LIMCH1: variants seen among roughly 807,000 people sequenced by gnomAD.
LIMCH1 encodes LIM and calponin homology domains-containing protein 1.
LIMCH1 carries 113 observed loss-of-function variants against 176.5 expected under a neutral mutation model. The observed-to-expected ratio is 0.64, with a 90% CI of 0.55 to 0.75. The LOEUF (loss-of-function observed/expected upper bound fraction) is 0.75. LIMCH1 is among the 30% of genes least tolerant of loss of function. The pLI is 0.00. For synonymous variants in LIMCH1, 619 were observed against 645.9 expected (o/e 0.96, Z 0.63); for missense variants, 1,674 against 1,814.9 (o/e 0.92, Z 1.41).
At chr4:41,376,190 T>TA (rs1440510349) in intron 1 of LIMCH1, among the ~76,000 whole-genome samples, 1 of 152,236 alleles carries the variant, frequency 6.6e-6, no homozygotes, top group Non-Finnish European at 1.5e-5. Flanking sequence ...TTATAGTTTC[T>TA]ATATAGTTTT....
rs149427696 is a variant in LIMCH1 at position 41,599,016 on chromosome 4, G to A, written c.-144G>A. ...TGACCTCCAGGATACATCCAACAGAGTAACAGTCAAGTAAGTAAAGCGTGA... is the reference window on the plus strand; with the variant it reads ...TGACCTCCAGGATACATCCAACAGAATAACAGTCAAGTAAGTAAAGCGTGA... On this transcript the variant is annotated 5_prime_UTR_variant, in exon 2 of 32. Coordinates refer to ENST00000503057, the MANE Select transcript of LIMCH1 (RefSeq NM_001330672.2). 18 of 1,600,514 alleles carry A rather than the reference G, an allele frequency of 1.1e-5. No homozygotes were observed. The highest frequency in any genetic ancestry group is 4.5e-5 in the East Asian group (2 of 44,784).
chr4:41,685,826 C>T lies in LIMCH1; in HGVS notation c.4084C>T (p.Arg1362Trp), dbSNP rs76461603. ...TCAGATCGAGTCTCCCAGTGAAAGG[C>T]GGAAGTGAGTAACCAGACACGATGG... ...NHQIESPSER[R>W]KKSPREHFQA... Residue 1362 changes from arginine (R) to tryptophan (W), a missense_variant, in exon 28 of 32, where the codon CGG becomes TGG. Arg to Trp is a moderately radical substitution (Grantham distance 101). Transcript: ENST00000503057. 1,913 of 1,612,172 alleles carry T rather than the reference C, an allele frequency of 1.2e-3. 15 individuals are homozygous for T. The East Asian group carries it at 0.02, about 17-fold the overall frequency.
At chr4:41,438,447 C>T (rs2154139947) in intron 1 of LIMCH1, among the ~76,000 whole-genome samples, 1 of 151,954 alleles carries the variant, frequency 6.6e-6, no homozygotes, top group Admixed American at 6.5e-5. Context: ...ACTGCAGCCT[C>T]CATTTCCCAG....
intron 1 of LIMCH1, chr4:41,494,456 C>A: frequency 2.2e-6 from 2 of 925,998 alleles, no homozygotes; most frequent in Non-Finnish European, 3.5e-6. Context: ...CACACACATA[C>A]ACACACACAT....
At chr4:41,362,947 C>T (rs1040822187) in intron 1 of LIMCH1, among the ~76,000 whole-genome samples, 3 of 152,112 alleles carry the variant, frequency 2.0e-5, no homozygotes, top group African/African-American at 4.8e-5. Flanking sequence ...ATGTGAAAAC[C>T]GTAATGGGGC....
chr4:41,398,065 G>C (rs564254422), intron 1 of LIMCH1, among the ~76,000 whole-genome samples: 11 of 151,228 alleles, frequency 7.3e-5, no homozygotes, highest in African/African-American at 1.9e-4. Context: ...CCATGTACCA[G>C]ATTCATCACA....
chr4:41,372,400 G>C (rs1001777531), intron 1 of LIMCH1, among the ~76,000 whole-genome samples: 4 of 152,098 alleles, frequency 2.6e-5, no homozygotes, highest in Non-Finnish European at 5.9e-5. Flanking sequence ...TAGGATACAA[G>C]GTTTTTGGCT....
chr4:41,362,194 G>A (rs2052209398), intron 1 of LIMCH1, among the ~76,000 whole-genome samples: 1 of 152,342 alleles, frequency 6.6e-6, no homozygotes, highest in Non-Finnish European at 1.5e-5. Flanking sequence ...CTTCCCGCAA[G>A]CAAGAGTGCT....
At position 41,632,884 on chromosome 4, in the gene LIMCH1, C is replaced by T; in HGVS notation, c.1720+17C>T. The T allele has an allele frequency of 6.5e-7, 1 of 1,534,480 alleles. No homozygotes were observed. The highest frequency in any genetic ancestry group is 8.7e-7 in the Non-Finnish European group (1 of 1,145,360). On this transcript the variant is annotated intron_variant, in intron 11 of 31. Coordinates refer to ENST00000503057, the MANE Select transcript of LIMCH1 (RefSeq NM_001330672.2). ...CAGAGGAAGGTGAGGAGCAGTGTTTCCTGCCTTCCCGGGAGGTGAAGGAGG... is the reference window on the plus strand; with the variant it reads ...CAGAGGAAGGTGAGGAGCAGTGTTTTCTGCCTTCCCGGGAGGTGAAGGAGG...
chr4:41,499,978 A>G (rs10003741), intron 2 of LIMCH1, among the ~76,000 whole-genome samples: 17,914 of 152,198 alleles, frequency 0.12, 1,787 homozygotes, highest in African/African-American at 0.27. Context: ...TTTGTAGAAT[A>G]TATCTCACAT....
intron 21 of LIMCH1, 60 bp from the exon 22 acceptor site, chr4:41,671,492 CAA>C (rs1341386620): frequency 4.2e-6 from 6 of 1,411,956 alleles, no homozygotes; most frequent in Admixed American, 1.7e-5. Flanking sequence ...AGGTCAAAAA[CAA>C]AGACAATTAG....
chr4:41,569,308 A>G (rs1260840687), intron 1 of LIMCH1, among the ~76,000 whole-genome samples: 1 of 152,176 alleles, frequency 6.6e-6, no homozygotes, highest in Non-Finnish European at 1.5e-5. Flanking sequence ...CTCAGCCACC[A>G]GGAAGAGCCC....
At chr4:41,406,030 A>G (rs1404424802) in intron 1 of LIMCH1, among the ~76,000 whole-genome samples, 3 of 152,100 alleles carry the variant, frequency 2.0e-5, no homozygotes, top group Non-Finnish European at 2.9e-5. Flanking sequence ...CCTATATAAG[A>G]TTAATGTTTC....
At chr4:41,562,342 G>C (rs1308078296) in intron 1 of LIMCH1, among the ~76,000 whole-genome samples, 1 of 152,146 alleles carries the variant, frequency 6.6e-6, no homozygotes, top group African/African-American at 2.4e-5. Context: ...CAGGCTTTCT[G>C]AGTGGTATTT....
At chr4:41,666,533 A>G in intron 20 of LIMCH1, 28 bp from the exon 21 acceptor site, 1 of 1,458,530 alleles carries the variant, frequency 6.9e-7, no homozygotes, top group Non-Finnish European at 9.6e-7. Flanking sequence ...AGTTCTTGCA[A>G]TATTTATACC....
chr4:41,445,736 C>G (rs1220822390), intron 1 of LIMCH1, among the ~76,000 whole-genome samples: 1 of 152,126 alleles, frequency 6.6e-6, no homozygotes, highest in Non-Finnish European at 1.5e-5. Flanking sequence ...GCACTGATGG[C>G]CTGAGATTAG....
intron 7 of LIMCH1, among the ~76,000 whole-genome samples, chr4:41,621,988 AC>A (rs1388348685): frequency 1.3e-5 from 2 of 152,054 alleles, no homozygotes; most frequent in Admixed American, 6.6e-5. Context: ...AAAAAAAAAA[AC>A]AACTAAGGAT....
intron 7 of LIMCH1, among the ~76,000 whole-genome samples, chr4:41,625,787 A>T (rs1217357780): frequency 6.6e-6 from 1 of 152,206 alleles, no homozygotes; most frequent in East Asian, 1.9e-4. Context: ...TCAAATTGGC[A>T]TCGCAAATTG....
chr4:41,368,486 G>C (rs1397771685), intron 1 of LIMCH1, among the ~76,000 whole-genome samples: 1 of 152,086 alleles, frequency 6.6e-6, no homozygotes, highest in Non-Finnish European at 1.5e-5. Context: ...GGGGCAGGGG[G>C]GATTAAGAGA....
Sources: allele counts gnomAD v4.1 joint callset (sites outside exome capture counted in the v4.1 genomes callset), GRCh38; gene constraint gnomAD v4.1.1; transcripts MANE v1.5; gene names NCBI Gene and HGNC (gene_info 2026-07-23, HGNC 2026-07-21).